Variants in GRAP2 observed in about 807,000 individuals in gnomAD.
GRAP2 encodes the protein GRB2 related adaptor protein 2.
GRAP2 carries 31 observed loss-of-function variants against 43.5 expected under a neutral mutation model. The ratio of observed to expected loss-of-function variants is 0.71; its 90% CI spans 0.54 to 0.96. The LOEUF (loss-of-function observed/expected upper bound fraction) is 0.96, where lower values mean the gene tolerates loss of function less well. GRAP2 is among the 40% of genes least tolerant of loss of function. The pLI, the probability that GRAP2 is intolerant of heterozygous loss-of-function variation, is 0.00. For synonymous variants in GRAP2, 156 were observed against 164.8 expected (o/e 0.95, Z 0.41); for missense variants, 371 against 424.4 (o/e 0.87, Z 1.11).
chr22:39,944,348 C>T (rs1026374066), intron 1 of GRAP2, among the ~76,000 whole-genome samples: 6 of 152,110 alleles, frequency 3.9e-5, no homozygotes, highest in African/African-American at 1.4e-4. Flanking sequence ...CTGAGGGTGA[C>T]ATATTTACTA....
rs770008960 is a variant in GRAP2, at chr22:39,955,777, TCCTCC to T, written c.79-40_79-36del. 9 of 980,634 alleles carry T rather than the reference TCCTCC, an allele frequency of 9.2e-6. No homozygotes were observed. The Admixed American group carries it at 1.6e-4, about 17-fold the overall frequency. The allele number at this position is 980,634 out of a possible 1,614,324, so 60.7% of individuals were successfully genotyped here. On this transcript the variant is annotated intron_variant, in intron 2 of 7. Coordinates refer to ENST00000344138, the MANE Select transcript of GRAP2 (RefSeq NM_004810.4). ...GCCCCTTTCTCTTGTTTTTTTGGTG[TCCTCC>T]CTCCAATGTCTTTGTCTTTCCTTTT... is the stretch of plus-strand genomic sequence containing the variant.
upstream of GRAP2, among the ~76,000 whole-genome samples, chr22:39,897,138 G>A (rs1465164231): frequency 1.3e-5 from 2 of 152,134 alleles, no homozygotes; most frequent in Non-Finnish European, 2.9e-5. Context: ...CCAAACTCGT[G>A]TATCTAACTA....
intron 1 of GRAP2, chr22:39,926,872 A>G (rs2066706938): frequency 2.0e-6 from 2 of 981,530 alleles, no homozygotes; most frequent in Non-Finnish European, 2.4e-6. Flanking sequence ...AAATATATTT[A>G]TCGTGATTGG....
At chr22:39,941,826 C>T (rs576338278) in intron 1 of GRAP2, among the ~76,000 whole-genome samples, 29 of 152,012 alleles carry the variant, frequency 1.9e-4, no homozygotes, top group African/African-American at 6.5e-4. Context: ...CACATCTGTA[C>T]TCCAAGGTGA....
At chr22:39,954,447 G>A (rs1027043762) in intron 2 of GRAP2, among the ~76,000 whole-genome samples, 4 of 152,120 alleles carry the variant, frequency 2.6e-5, no homozygotes, top group African/African-American at 9.7e-5. Context: ...CCAGGCTGGA[G>A]TCCAGTGGCA....
chr22:39,942,754 C>T (rs1329775948), intron 1 of GRAP2, among the ~76,000 whole-genome samples: 2 of 152,176 alleles, frequency 1.3e-5, no homozygotes, highest in African/African-American at 2.4e-5. Context: ...CACACCACTG[C>T]ACATCAGCCT....
At chr22:39,957,406 G>A (rs1225084250) in intron 3 of GRAP2, among the ~76,000 whole-genome samples, 1 of 152,124 alleles carries the variant, frequency 6.6e-6, no homozygotes, top group Non-Finnish European at 1.5e-5. Flanking sequence ...CACCAGAAGT[G>A]AAGCTCCCAG....
At chr22:39,931,448 G>T (rs73165008) in intron 1 of GRAP2, among the ~76,000 whole-genome samples, 1 of 152,314 alleles carries the variant, frequency 6.6e-6, no homozygotes, top group Non-Finnish European at 1.5e-5. Context: ...AAGAGACAAG[G>T]TTCTAGGATG....
chr22:39,959,072 CT>C (rs1455945218), intron 3 of GRAP2, among the ~76,000 whole-genome samples: 1 of 152,226 alleles, frequency 6.6e-6, no homozygotes, highest in Non-Finnish European at 1.5e-5. Context: ...GCGTATGAGC[CT>C]TCTGGTGACA....
At chr22:39,921,187 C>T (rs903887451) in intron 1 of GRAP2, among the ~76,000 whole-genome samples, 6 of 152,162 alleles carry the variant, frequency 3.9e-5, no homozygotes, top group Admixed American at 2.6e-4. Context: ...GCTTAGAAGT[C>T]GGACCAAAAC....
intron 2 of GRAP2, among the ~76,000 whole-genome samples, chr22:39,953,135 T>G (rs916928876): frequency 1.3e-5 from 2 of 152,182 alleles, no homozygotes; most frequent in Admixed American, 6.5e-5. Context: ...CCAAGGGCCC[T>G]GTGACTTCAA....
At chr22:39,916,310 G>A (rs1234688411) in intron 1 of GRAP2, among the ~76,000 whole-genome samples, 5 of 152,218 alleles carry the variant, frequency 3.3e-5, no homozygotes, top group African/African-American at 1.2e-4. Context: ...AGAGGATCAA[G>A]GAGAGAATTC....
intron 4 of GRAP2, chr22:39,964,680 C>A: frequency 8.5e-6 from 4 of 468,336 alleles, no homozygotes; most frequent in East Asian, 3.5e-5. Flanking sequence ...TAAGTGTCGT[C>A]TTGGAGCTGT....
chr22:39,903,757 G>A (rs1175883656), intron 1 of GRAP2, among the ~76,000 whole-genome samples: 32 of 152,106 alleles, frequency 2.1e-4, no homozygotes, highest in Admixed American at 2.1e-3. Context: ...GATTACAGGT[G>A]TGAACCACTA....
At chr22:39,959,603 G>A (rs1324957665) in intron 3 of GRAP2, among the ~76,000 whole-genome samples, 2 of 152,138 alleles carry the variant, frequency 1.3e-5, no homozygotes, top group African/African-American at 2.4e-5. Context: ...CCTCAGGGCA[G>A]GCATGAGCAC....
At chr22:39,954,403 A>C (rs903709091) in intron 2 of GRAP2, among the ~76,000 whole-genome samples, 2 of 152,058 alleles carry the variant, frequency 1.3e-5, no homozygotes, top group Non-Finnish European at 2.9e-5. Context: ...GACTTAAAAA[A>C]AATTTTTTTT....
rs192909780 is a variant in GRAP2, at chr22:39,971,215, A to G, written c.*131A>G. On this transcript the variant is annotated 3_prime_UTR_variant, in exon 8 of 8. Transcript: ENST00000344138. The stretch of plus-strand genomic sequence containing the variant: ...TGCCTGTGTACACACACAACTTTTT[A>G]TACTAGTAATTTATTGGCAATTGGG... The G allele has an allele frequency of 4.5e-5, 29 of 645,518 alleles. No homozygotes were observed. The highest frequency in any genetic ancestry group is 7.2e-5 in the Non-Finnish European group (28 of 390,220). The allele number at this position is 645,518 out of a possible 1,614,324, so 40.0% of individuals were successfully genotyped here.
intron 1 of GRAP2, among the ~76,000 whole-genome samples, chr22:39,916,764 T>C (rs189651682): frequency 1.6e-3 from 247 of 152,340 alleles, no homozygotes; most frequent in Non-Finnish European, 2.7e-3. Context: ...GAAAGAAAAG[T>C]ACCACTTTTT....
At chr22:39,910,724 T>C (rs527998221) in intron 1 of GRAP2, among the ~76,000 whole-genome samples, 1 of 150,420 alleles carries the variant, frequency 6.6e-6, no homozygotes, top group East Asian at 1.9e-4. Flanking sequence ...TCTTATTCTG[T>C]ACTTACACTG....
Sources: allele counts gnomAD v4.1 joint callset (sites outside exome capture counted in the v4.1 genomes callset), GRCh38; gene constraint gnomAD v4.1.1; transcripts MANE v1.5; gene names NCBI Gene and HGNC (gene_info 2026-07-23, HGNC 2026-07-21).